Variants in GRM1 observed in about 807,000 individuals in gnomAD.
GRM1 encodes the protein glutamate metabotropic receptor 1, also known as metabotropic glutamate receptor 1.
GRM1 carries 33 observed loss-of-function variants against 90.9 expected under a neutral mutation model. That is an observed-to-expected ratio of 0.36 (90% CI 0.28 to 0.49). GRM1 has a LOEUF of 0.49. Ranked by LOEUF, GRM1 falls within the 20% of genes least tolerant of loss-of-function variation. The pLI is 0.99. For missense variants in GRM1, 1,190 were observed against 1,534.3 expected, an observed-to-expected ratio of 0.78 and a Z score of 3.75; for synonymous variants, 700 against 613.2, an observed-to-expected ratio of 1.14 and a Z score of -2.09.
At chr6:146,176,426 T>G (rs1172800028) in intron 2 of GRM1, among the ~76,000 whole-genome samples, 1 of 152,094 alleles carries the variant, frequency 6.6e-6, no homozygotes, top group Non-Finnish European at 1.5e-5. Context: ...TAGCTGTAAT[T>G]TGAATATCTC....
chr6:146,159,058 T>C (rs1427869704), intron 1 of GRM1, among the ~76,000 whole-genome samples: 1 of 152,232 alleles, frequency 6.6e-6, no homozygotes, highest in African/African-American at 2.4e-5. Context: ...GGACAAGAAC[T>C]ATTAATAATG....
chr6:146,341,786 A>G (rs1294444126), intron 3 of GRM1, among the ~76,000 whole-genome samples: 1 of 152,050 alleles, frequency 6.6e-6, no homozygotes, highest in Non-Finnish European at 1.5e-5. Context: ...CCTAACCCCA[A>G]CGGTGCAGCC....
chr6:146,364,045 A>T (rs1347579745), intron 5 of GRM1, among the ~76,000 whole-genome samples: 4 of 152,204 alleles, frequency 2.6e-5, no homozygotes, highest in Non-Finnish European at 1.5e-5. Context: ...TCTCACACTG[A>T]ATCCAAGTAG....
rs549599594 is a variant in GRM1, at chr6:146,234,749, T to G, written c.951-69862T>G. ...TGAATTTTATGTTTATCTTGATTAC[T>G]AGGTGTTTTTTGAGACAGGGTCTCA... On this transcript the variant is annotated intron_variant, in intron 2 of 7. Transcript: ENST00000282753. Among the ~76,000 whole-genome samples, 8 of 152,266 alleles carry G rather than the reference T, an allele frequency of 5.3e-5. No homozygotes were observed. The East Asian group carries it at 9.7e-4, about 18-fold the overall frequency.
At chr6:146,132,322 A>G (rs1405266301) in intron 1 of GRM1, among the ~76,000 whole-genome samples, 1 of 152,222 alleles carries the variant, frequency 6.6e-6, no homozygotes, top group South Asian at 2.1e-4. Context: ...GCAATAGTCA[A>G]GGAGCGAGCC....
At chr6:146,139,273 G>T (rs894123624) in intron 1 of GRM1, among the ~76,000 whole-genome samples, 1 of 152,154 alleles carries the variant, frequency 6.6e-6, no homozygotes, top group African/African-American at 2.4e-5. Flanking sequence ...ATGCTGAGAA[G>T]AATATGTATT....
chr6:146,178,928 T>C (rs1485584813), intron 2 of GRM1, among the ~76,000 whole-genome samples: 1 of 152,164 alleles, frequency 6.6e-6, no homozygotes, highest in Non-Finnish European at 1.5e-5. Context: ...GATGTTAATC[T>C]ACCCACAACA....
chr6:146,383,158 G>A (rs1776380648), intron 5 of GRM1, among the ~76,000 whole-genome samples: 1 of 152,178 alleles, frequency 6.6e-6, no homozygotes, highest in Non-Finnish European at 1.5e-5. Context: ...CTAACTCCAT[G>A]TAAGCATCCC....
chr6:146,232,434 C>T (rs1780480294), intron 2 of GRM1, among the ~76,000 whole-genome samples: 1 of 151,980 alleles, frequency 6.6e-6, no homozygotes, highest in South Asian at 2.1e-4. Flanking sequence ...TTATATGGTA[C>T]ATGAGATGTT....
chr6:146,187,566 T>C (rs1462951965), intron 2 of GRM1, among the ~76,000 whole-genome samples: 1 of 152,050 alleles, frequency 6.6e-6, no homozygotes, highest in Non-Finnish European at 1.5e-5. Context: ...TCATATTCTT[T>C]TGAATGATCT....
intron 2 of GRM1, among the ~76,000 whole-genome samples, chr6:146,258,804 C>G (rs1311206162): frequency 6.6e-6 from 1 of 152,130 alleles, no homozygotes; most frequent in African/African-American, 2.4e-5. Context: ...ATCACTGGAA[C>G]CAAATAGCCT....
intron 2 of GRM1, among the ~76,000 whole-genome samples, chr6:146,272,341 G>A (rs750959209): frequency 1.3e-5 from 2 of 152,086 alleles, no homozygotes; most frequent in Admixed American, 6.6e-5. Context: ...AAACATTATC[G>A]GTTGCATTTT....
chr6:146,362,355 G>C (rs1775511032), intron 5 of GRM1, among the ~76,000 whole-genome samples: 1 of 152,060 alleles, frequency 6.6e-6, no homozygotes, highest in Non-Finnish European at 1.5e-5. Flanking sequence ...ACACACTGTA[G>C]ACTTTAGAAT....
intron 2 of GRM1, among the ~76,000 whole-genome samples, chr6:146,287,002 T>C (rs1782790542): frequency 6.6e-6 from 1 of 152,218 alleles, no homozygotes; most frequent in South Asian, 2.1e-4. Context: ...TGATTCTTTA[T>C]TTTTGATTAG....
At chr6:146,432,448 T>C (rs1444754138) in intron 7 of GRM1, among the ~76,000 whole-genome samples, 1 of 152,240 alleles carries the variant, frequency 6.6e-6, no homozygotes, top group African/African-American at 2.4e-5. Context: ...ATTTTTGAAG[T>C]ATTCGTTCTT....
intron 1 of GRM1, among the ~76,000 whole-genome samples, chr6:146,147,978 A>G (rs1216661613): frequency 6.6e-6 from 1 of 152,230 alleles, no homozygotes; most frequent in Non-Finnish European, 1.5e-5. Context: ...AGAAATCTGT[A>G]TGTATTACAC....
chr6:146,147,087 C>T (rs1777138838), intron 1 of GRM1, among the ~76,000 whole-genome samples: 1 of 152,134 alleles, frequency 6.6e-6, no homozygotes, highest in African/African-American at 2.4e-5. Context: ...AATCTCATTG[C>T]CTGGAACTGG....
intron 7 of GRM1, among the ~76,000 whole-genome samples, chr6:146,425,748 G>A (rs961983438): frequency 8.5e-5 from 13 of 152,304 alleles, no homozygotes; most frequent in African/African-American, 1.9e-4. Context: ...CAGGCAGCCC[G>A]CTTATGTGGC....
intron 2 of GRM1, among the ~76,000 whole-genome samples, chr6:146,241,856 A>G (rs9497504): frequency 0.016 from 2,411 of 152,266 alleles, 52 homozygotes; most frequent in African/African-American, 0.054. Flanking sequence ...ACCTGCAGAT[A>G]GTAAATATTC....
Sources: allele counts gnomAD v4.1 joint callset (sites outside exome capture counted in the v4.1 genomes callset), GRCh38; gene constraint gnomAD v4.1.1; transcripts MANE v1.5; gene names NCBI Gene and HGNC (gene_info 2026-07-23, HGNC 2026-07-21).